Variants in ARHGAP18 observed in about 807,000 individuals in gnomAD.
ARHGAP18 encodes Rho GTPase activating protein 18, also known as rho GTPase-activating protein 18.
Under a neutral mutation model 86.2 loss-of-function variants are expected in ARHGAP18, and 67 were observed. The observed-to-expected ratio is 0.78, with a 90% CI of 0.64 to 0.95. ARHGAP18 has a LOEUF of 0.95. ARHGAP18 is among the 40% of genes least tolerant of loss of function. The pLI, the probability that ARHGAP18 is intolerant of heterozygous loss-of-function variation, is 0.00. For missense variants in ARHGAP18, 691 were observed against 780.4 expected (o/e 0.89, Z 1.37); for synonymous variants, 283 against 280.4 (o/e 1.01, Z -0.09).
intron 14 of ARHGAP18, among the ~76,000 whole-genome samples, chr6:129,579,570 C>T (rs1020926279): frequency 2.6e-5 from 4 of 152,008 alleles, no homozygotes; most frequent in East Asian, 1.9e-4. Flanking sequence ...AAATATAAAA[C>T]ATGGTCAAAG....
At chr6:129,583,331 A>C (rs748874111) in intron 13 of ARHGAP18, among the ~76,000 whole-genome samples, 1 of 152,202 alleles carries the variant, frequency 6.6e-6, no homozygotes, top group Non-Finnish European at 1.5e-5. Context: ...GGATCTCTAA[A>C]ATATAAGAAG....
At chr6:129,705,863 C>T (rs563114758) in intron 1 of ARHGAP18, among the ~76,000 whole-genome samples, 1 of 152,156 alleles carries the variant, frequency 6.6e-6, no homozygotes, top group African/African-American at 2.4e-5. Context: ...GGTCACACTG[C>T]TAATGAATGA....
intron 1 of ARHGAP18, among the ~76,000 whole-genome samples, chr6:129,659,346 C>T (rs1773902986): frequency 6.6e-6 from 1 of 152,222 alleles, no homozygotes; most frequent in African/African-American, 2.4e-5. Context: ...ATCTACAAAA[C>T]ATTTATTTTC....
intron 12 of ARHGAP18, among the ~76,000 whole-genome samples, chr6:129,592,207 C>T (rs775369715): frequency 2.6e-5 from 4 of 151,978 alleles, no homozygotes; most frequent in Non-Finnish European, 5.9e-5. Flanking sequence ...CACTTGGGTC[C>T]CCAAGTAAAT....
At chr6:129,610,714 G>C (rs1788960945) in intron 8 of ARHGAP18, among the ~76,000 whole-genome samples, 1 of 151,878 alleles carries the variant, frequency 6.6e-6, no homozygotes, top group Admixed American at 6.6e-5. Context: ...TGCAACCTCT[G>C]CCTCCCAGGT....
At chr6:129,625,089 G>GATATATATTTATATATAATATATAAT (rs1185799367) in intron 5 of ARHGAP18, among the ~76,000 whole-genome samples, 2 of 94,230 alleles carry the variant, frequency 2.1e-5, no homozygotes, top group Admixed American at 3.3e-4. Context: ...TATGATATAT[G>GATATATATTTATATATAATATATAAT]ATATATGATA....
intron 1 of ARHGAP18, among the ~76,000 whole-genome samples, chr6:129,678,496 A>T (rs1465084901): frequency 1.3e-5 from 2 of 152,228 alleles, no homozygotes; most frequent in Non-Finnish European, 2.9e-5. Context: ...TTTGGAAACA[A>T]AACCATGTAA....
At chr6:129,688,809 C>A (rs574605456) in intron 1 of ARHGAP18, among the ~76,000 whole-genome samples, 2 of 151,776 alleles carry the variant, frequency 1.3e-5, no homozygotes, top group East Asian at 3.9e-4. Flanking sequence ...AAAAAATATG[C>A]CTTATCATTG....
chr6:129,674,389 G>A (rs989359187), intron 1 of ARHGAP18, among the ~76,000 whole-genome samples: 1 of 152,034 alleles, frequency 6.6e-6, no homozygotes, highest in Admixed American at 6.5e-5. Context: ...TATGGTTCTA[G>A]GACACTACAA....
intron 5 of ARHGAP18, among the ~76,000 whole-genome samples, chr6:129,621,594 G>C (rs1789230274): frequency 6.6e-6 from 1 of 152,142 alleles, no homozygotes; most frequent in South Asian, 2.1e-4. Flanking sequence ...CTCATCTGTA[G>C]AATGAGAACA....
intron 1 of ARHGAP18, among the ~76,000 whole-genome samples, chr6:129,645,554 T>C (rs1180485377): frequency 6.6e-6 from 1 of 152,154 alleles, no homozygotes; most frequent in Non-Finnish European, 1.5e-5. Context: ...AGTTCCTTCC[T>C]CCTCCCTCTC....
At chr6:129,685,513 A>G (rs1774408793) in intron 1 of ARHGAP18, among the ~76,000 whole-genome samples, 1 of 152,218 alleles carries the variant, frequency 6.6e-6, no homozygotes, top group African/African-American at 2.4e-5. Context: ...GTCTAAAAAA[A>G]AAAAATTGTG....
intron 1 of ARHGAP18, among the ~76,000 whole-genome samples, chr6:129,689,325 A>T (rs1365233907): frequency 6.6e-6 from 1 of 151,996 alleles, no homozygotes; most frequent in Non-Finnish European, 1.5e-5. Flanking sequence ...ACTAAGTCTC[A>T]CTCTGTCACC....
chr6:129,588,454 T>TCCA (rs147309689), intron 12 of ARHGAP18, among the ~76,000 whole-genome samples: 14,783 of 152,224 alleles, frequency 0.097, 896 homozygotes, highest in Middle Eastern at 0.17. Context: ...CTTCTTTGAC[T>TCCA]CCATGTCTCA....
Position 129,616,191 on chromosome 6 carries a change from G to A in ARHGAP18, c.1044+21C>T, listed in dbSNP as rs369216060. On this transcript the variant is annotated intron_variant, in intron 7 of 14. Coordinates refer to ENST00000368149, the MANE Select transcript of ARHGAP18 (RefSeq NM_033515.3). ...AGCTTAAGTATGTTCTCTCTATGCT[G>A]ACCAATCCAAGCCTACCTACTTTTT... 1.1e-4 allele frequency: 177 copies of A among 1,582,130 alleles called. 2 individuals carry two copies. The South Asian group carries it at 1.8e-3, about 16-fold the overall frequency.
rs761808584 is a variant in ARHGAP18, at chr6:129,600,734, A to G, written c.1480T>C (p.Leu494=). ...AATTCTCGCTGTTCACTGGACTTCA[A>G]TCCCAATGCATGACACATAAAGAGA... ...PNLFMCHALG[L]KSSEQREFVM... Residue 494 remains leucine (L), a synonymous_variant, in exon 11 of 15, where the codon TTG becomes CTG. Transcript: ENST00000368149. 1 of 1,613,796 alleles carries G rather than the reference A, an allele frequency of 6.2e-7. No homozygotes were observed. Among genetic ancestry groups the G allele is most frequent in the Non-Finnish European group, 8.5e-7 (1 of 1,179,828 alleles).
rs10499164 is a variant in ARHGAP18 at position 129,670,636 on chromosome 6, G to A, written c.114-28618C>T. On this transcript the variant is annotated intron_variant, in intron 1 of 14. Coordinates refer to ENST00000368149, the MANE Select transcript of ARHGAP18 (RefSeq NM_033515.3). ...AAAAGTCTCTTATACCACCTACTTC[G>A]CATCAAAAGGAGACTCATTCAGATT... Among the ~76,000 whole-genome samples, 1,136 of 151,536 alleles carry A rather than the reference G, an allele frequency of 7.5e-3. 29 individuals are homozygous for A. In the East Asian group the frequency reaches 0.078, roughly 10 times the overall value.
At chr6:129,602,293 G>C (rs950245561) in intron 10 of ARHGAP18, among the ~76,000 whole-genome samples, 2 of 152,118 alleles carry the variant, frequency 1.3e-5, no homozygotes, top group Admixed American at 1.3e-4. Context: ...GAGAATGTAA[G>C]TAACTTCCTG....
At chr6:129,684,437 AATAAT>A (rs1774390892) in intron 1 of ARHGAP18, among the ~76,000 whole-genome samples, 1 of 152,206 alleles carries the variant, frequency 6.6e-6, no homozygotes, top group South Asian at 2.1e-4. Flanking sequence ...GTATTATATT[AATAAT>A]ATAAGTGACT....
Sources: allele counts gnomAD v4.1 joint callset (sites outside exome capture counted in the v4.1 genomes callset), GRCh38; gene constraint gnomAD v4.1.1; transcripts MANE v1.5; gene names NCBI Gene and HGNC (gene_info 2026-07-23, HGNC 2026-07-21).